The following SPAST variants were observed in gnomAD, a reference collection of about 807,000 sequenced individuals.
SPAST encodes spastin, also known as spastic paraplegia 4 (autosomal dominant; spastin).
In SPAST, 30 loss-of-function variants were observed where a neutral mutation model predicts 76.6. The observed-to-expected ratio is 0.39, with a 90% CI of 0.29 to 0.53. SPAST has a LOEUF of 0.53. SPAST is among the 20% of genes least tolerant of loss of function. SPAST has a pLI of 0.68. For synonymous variants in SPAST, 305 were observed against 281.0 expected, an observed-to-expected ratio of 1.09 and a Z score of -0.86; for missense variants, 717 against 770.5, an observed-to-expected ratio of 0.93 and a Z score of 0.82.
chr2:32,122,698 C>T (rs1679059503), intron 7 of SPAST, among the ~76,000 whole-genome samples: 1 of 151,424 alleles, frequency 6.6e-6, no homozygotes, highest in Non-Finnish European at 1.5e-5. Flanking sequence ...CCAGCACTTT[C>T]AGAGGCCAAG....
At chr2:32,136,152 C>G (rs111683264) in intron 9 of SPAST, among the ~76,000 whole-genome samples, 1 of 151,798 alleles carries the variant, frequency 6.6e-6, no homozygotes, top group South Asian at 2.1e-4. Flanking sequence ...TTCTTAATAG[C>G]GCAAGTTTTG....
At chr2:32,071,166 G>C (rs1455884371) in intron 1 of SPAST, among the ~76,000 whole-genome samples, 1 of 152,160 alleles carries the variant, frequency 6.6e-6, no homozygotes, top group Non-Finnish European at 1.5e-5. Context: ...CAATGGTGGA[G>C]GTTCTCTAGG....
At chr2:32,110,030 A>ATGTATATATAAACTAT (rs1678482820) in intron 4 of SPAST, among the ~76,000 whole-genome samples, 1 of 147,488 alleles carries the variant, frequency 6.8e-6, no homozygotes, top group South Asian at 2.1e-4. Flanking sequence ...TATAGCTGTA[A>ATGTATATATAAACTAT]ATGTATATAT....
intron 1 of SPAST, among the ~76,000 whole-genome samples, chr2:32,068,211 C>T (rs533065872): frequency 6.6e-6 from 1 of 152,062 alleles, no homozygotes; most frequent in Non-Finnish European, 1.5e-5. Flanking sequence ...ATCTCCTGAC[C>T]TCGTGATCCA....
At chr2:32,066,771 T>G (rs1359439900) in intron 1 of SPAST, among the ~76,000 whole-genome samples, 1 of 151,888 alleles carries the variant, frequency 6.6e-6, no homozygotes, top group East Asian at 1.9e-4. Context: ...CCCAGGAGTT[T>G]GAGACCAGCC....
At chr2:32,151,172 A>G (rs1171027283) in intron 16 of SPAST, among the ~76,000 whole-genome samples, 2 of 151,844 alleles carry the variant, frequency 1.3e-5, no homozygotes, top group East Asian at 1.9e-4. Flanking sequence ...GGAACTCCCA[A>G]CCTCAGGAGA....
At chr2:32,116,377 A>G (rs1336105517) in intron 7 of SPAST, among the ~76,000 whole-genome samples, 165 bp downstream of exon 7, 2 of 152,232 alleles carry the variant, frequency 1.3e-5, no homozygotes, top group African/African-American at 4.8e-5. Flanking sequence ...ATTGATGTTG[A>G]GAAGTTATTA....
chr2:32,104,191 C>G (rs951502891), intron 4 of SPAST, among the ~76,000 whole-genome samples: 7 of 152,152 alleles, frequency 4.6e-5, no homozygotes, highest in African/African-American at 1.7e-4. Flanking sequence ...GAATTGATCC[C>G]TTTAGCATTA....
At chr2:32,105,304 A>C (rs1363856746) in intron 4 of SPAST, among the ~76,000 whole-genome samples, 1 of 152,150 alleles carries the variant, frequency 6.6e-6, no homozygotes, top group Non-Finnish European at 1.5e-5. Flanking sequence ...CAGCTCCATC[A>C]GGCCATTTAA....
Position 32,068,931 on chromosome 2 carries a change from C to T in SPAST, c.415+4685C>T, listed in dbSNP as rs534373376. Among the ~76,000 whole-genome samples, 25 of 151,770 alleles carry T rather than the reference C, an allele frequency of 1.6e-4. No individual in the cohort carries two copies. The South Asian group carries it at 2.7e-3, about 16-fold the overall frequency. On this transcript the variant is annotated intron_variant, in intron 1 of 16. Transcript: ENST00000315285. ...AAAGGCTGGGCATGGTGGCTCAAGC[C>T]GGGTGCAGTGGCCCATGCCTGTTAT... is the stretch of plus-strand genomic sequence containing the variant.
At chr2:32,100,867 A>G (rs571338590) in intron 4 of SPAST, among the ~76,000 whole-genome samples, 13 of 152,264 alleles carry the variant, frequency 8.5e-5, no homozygotes, top group African/African-American at 2.9e-4. Flanking sequence ...TCATTGATGG[A>G]CATTTGCATT....
intron 3 of SPAST, among the ~76,000 whole-genome samples, chr2:32,092,232 G>A (rs1677751492): frequency 6.6e-6 from 1 of 152,164 alleles, no homozygotes; most frequent in Non-Finnish European, 1.5e-5. Flanking sequence ...GTGGCTGACA[G>A]GATTTGCCTT....
rs878854991 is a variant in SPAST, at chr2:32,141,906, G to A, written c.1496G>A (p.Arg499His). Residue 499 changes from arginine to histidine, a missense_variant and splice_region_variant, in exon 13 of 17, where the codon CGT becomes CAT. Physicochemically the swap from Arg to His is conservative, Grantham distance 29. Transcript: ENST00000315285. ...AAGTGCTGGATTTTTTTTTTTAGGC[G>A]TTTCATCAAACGGGTATATGTGTCT... ...PQELDEAVLR[R>H]FIKRVYVSLP... The A allele has an allele frequency of 6.2e-7, 1 of 1,607,186 alleles. No homozygotes were observed. The highest frequency in any genetic ancestry group is 8.5e-7 in the Non-Finnish European group (1 of 1,177,008).
Position 32,063,791 on chromosome 2 carries a change from C to A in SPAST, c.-41C>A. On this transcript the variant is annotated 5_prime_UTR_variant, in exon 1 of 17. Coordinates refer to ENST00000315285, the MANE Select transcript of SPAST (RefSeq NM_014946.4). The stretch of plus-strand genomic sequence containing the variant: ...CCGTCGCTTGGTTCCCGTCGGTCTG[C>A]GGGAGGCGGGTTATGGCGGCGGCGG... The A allele has an allele frequency of 6.5e-7, 1 of 1,547,810 alleles. No individual in the cohort carries two copies. The highest frequency in any genetic ancestry group is 1.2e-5 in the South Asian group (1 of 84,966).
At position 32,065,270 on chromosome 2, in the gene SPAST, G is replaced by A. The variant is rs142233742; in HGVS notation, c.415+1024G>A. 6.0e-3 allele frequency among the ~76,000 whole-genome samples: 917 copies of A among 151,986 alleles called. 9 individuals carry two copies. Among genetic ancestry groups the A allele is most frequent in the African/African-American group, 0.021 (884 of 41,434 alleles). ...CCTGACCTCGTGATCGGGTCGCCTC[G>A]GCCTCCCAAAGTGCTGGTAATACAG... On this transcript the variant is annotated intron_variant, in intron 1 of 16. Coordinates refer to ENST00000315285, the MANE Select transcript of SPAST (RefSeq NM_014946.4).
At chr2:32,066,992 A>AAC (rs1553395246) in intron 1 of SPAST, among the ~76,000 whole-genome samples, 1 of 54,684 alleles carries the variant, frequency 1.8e-5, no homozygotes, top group Non-Finnish European at 4.0e-5. Flanking sequence ...AAAAAAAAAA[A>AAC]CCAAAAAAAA....
chr2:32,111,783 A>G (rs983879924), intron 4 of SPAST, among the ~76,000 whole-genome samples: 2 of 151,500 alleles, frequency 1.3e-5, no homozygotes, highest in East Asian at 1.9e-4. Flanking sequence ...TTAATGTGAC[A>G]GGTCACTTTT....
intron 4 of SPAST, among the ~76,000 whole-genome samples, chr2:32,099,325 G>T (rs566525479): frequency 6.6e-6 from 1 of 152,080 alleles, no homozygotes; most frequent in East Asian, 1.9e-4. Context: ...ATGTCTTATA[G>T]TACTTGATAG....
chr2:32,080,418 G>C (rs976116276), intron 1 of SPAST, among the ~76,000 whole-genome samples: 1 of 72,344 alleles, frequency 1.4e-5, no homozygotes, highest in Non-Finnish European at 3.0e-5. Flanking sequence ...AGTTTGCTAA[G>C]GCATGCATTA....
Sources: allele counts gnomAD v4.1 joint callset (sites outside exome capture counted in the v4.1 genomes callset), GRCh38; gene constraint gnomAD v4.1.1; transcripts MANE v1.5; gene names NCBI Gene and HGNC (gene_info 2026-07-23, HGNC 2026-07-21).